Variants in MYH13 observed in about 807,000 individuals in gnomAD.
MYH13 encodes myosin-13.
Under a neutral mutation model 232.1 loss-of-function variants are expected in MYH13, and 177 were observed. The observed-to-expected ratio is 0.76, with a 90% CI of 0.67 to 0.86. The LOEUF (loss-of-function observed/expected upper bound fraction) is 0.86, where lower values mean the gene tolerates loss of function less well. Ranked by LOEUF, MYH13 falls within the 40% of genes least tolerant of loss-of-function variation. MYH13 has a pLI of 0.00. For missense variants in MYH13, 2,246 were observed against 2,405.9 expected (o/e 0.93, Z 1.39); for synonymous variants, 884 against 923.5 (o/e 0.96, Z 0.78).
rs79509869 is a variant in MYH13 at position 10,311,727 on chromosome 17, C to T, written c.4531+184G>A. Among the ~76,000 whole-genome samples, 336 of 152,300 alleles carry T rather than the reference C, an allele frequency of 2.2e-3. 4 individuals are homozygous for T. In the East Asian group the frequency reaches 0.026, roughly 12 times the overall value. On this transcript the variant is annotated intron_variant, in intron 32 of 40. Coordinates refer to ENST00000252172, the MANE Select transcript of MYH13 (RefSeq NM_003802.3). ...AGTTCTCAAAAATGAGACTTAGCTG[C>T]TGCCGTGCCTTACATTAAAAAGGTC...
rs573797956 is a variant in MYH13, at chr17:10,342,190, G to T, written c.1894+1610C>A. On this transcript the variant is annotated intron_variant, in intron 16 of 40. Coordinates refer to ENST00000252172, the MANE Select transcript of MYH13 (RefSeq NM_003802.3). ...GTTCCCAAGTAGCTGGACTACAGGT[G>T]TGCACCACCACTTTTGGCTAATTAT... 2.0e-5 allele frequency among the ~76,000 whole-genome samples: 3 copies of T among 152,190 alleles called. No homozygotes were observed. The South Asian group carries it at 6.2e-4, about 32-fold the overall frequency.
chr17:10,369,383 C>T (rs1406156640), intron 2 of MYH13, among the ~76,000 whole-genome samples: 1 of 152,082 alleles, frequency 6.6e-6, no homozygotes, highest in Admixed American at 6.6e-5. Context: ...TGTGAATATT[C>T]ACTAGGTCTG....
intron 26 of MYH13, among the ~76,000 whole-genome samples, chr17:10,319,508 C>CAAAAG (rs1906854146): frequency 1.6e-5 from 1 of 61,538 alleles, no homozygotes; most frequent in South Asian, 3.9e-4. Flanking sequence ...GACTCGGTCT[C>CAAAAG]AAAAAAAAAA....
intron 16 of MYH13, among the ~76,000 whole-genome samples, chr17:10,341,810 A>G (rs1293162253): frequency 6.6e-6 from 1 of 152,228 alleles, no homozygotes; most frequent in South Asian, 2.1e-4. Flanking sequence ...AATGATTTTC[A>G]TCATTGAAGT....
At chr17:10,349,043 C>T (rs2071689204) in intron 12 of MYH13, among the ~76,000 whole-genome samples, 1 of 150,272 alleles carries the variant, frequency 6.7e-6, no homozygotes, top group African/African-American at 2.5e-5. Context: ...CTTCTCCCTT[C>T]CCTTCCCTTC....
intron 18 of MYH13, among the ~76,000 whole-genome samples, chr17:10,336,437 C>A (rs1007889749): frequency 6.6e-6 from 1 of 152,138 alleles, no homozygotes; most frequent in Non-Finnish European, 1.5e-5. Context: ...TGGTATTAGC[C>A]ATGCTTTTGA....
chr17:10,303,018 C>T (rs1319679307), intron 39 of MYH13, among the ~76,000 whole-genome samples, 178 bp downstream of exon 39: 3 of 151,720 alleles, frequency 2.0e-5, no homozygotes, highest in East Asian at 1.9e-4. Context: ...TGGTGAAGGT[C>T]GTGAAGGCTT....
rs140360602 is a variant in MYH13, at chr17:10,309,905, G to A, written c.4657-75C>T. ...TGAATGGGTATTTTCATCCCCATAC[G>A]ATCAAATGGGTATGCGTTTTTTTAA... On this transcript the variant is annotated intron_variant, in intron 33 of 40. Coordinates refer to ENST00000252172, the MANE Select transcript of MYH13 (RefSeq NM_003802.3). The A allele has an allele frequency of 1.5e-3, 1,795 of 1,218,578 alleles. 28 individuals are homozygous for A. The East Asian group carries it at 0.035, about 24-fold the overall frequency. The allele number at this position is 1,218,578 out of a possible 1,614,324, so 75.5% of individuals were successfully genotyped here. A position where few individuals can be genotyped will look rare whatever the true frequency, so the allele number is the denominator to read the frequency against.
chr17:10,302,564 T>G (rs924806762), intron 39 of MYH13, among the ~76,000 whole-genome samples: 1 of 152,180 alleles, frequency 6.6e-6, no homozygotes, highest in African/African-American at 2.4e-5. Flanking sequence ...CTCTTTTCTA[T>G]AAAAGGATAA....
chr17:10,345,826 C>G (rs576740056), intron 13 of MYH13, among the ~76,000 whole-genome samples: 1 of 151,856 alleles, frequency 6.6e-6, no homozygotes, highest in Non-Finnish European at 1.5e-5. Flanking sequence ...AACCCCGTCT[C>G]TACTAAAAAT....
rs771048728 is a variant in MYH13 at position 10,343,957 on chromosome 17, G to A, written c.1737C>T (p.Phe579=). ...CGGTGCCGGCATAGTGCACCAGCGA[G>A]AAGTGAGCCTCAGCCTTGCCTTTGG... ...KPAKGKAEAH[F]SLVHYAGTVD... is the part of the protein sequence containing the mutation. The change falls in exon 16 of 41, where the codon TTC becomes TTT. Residue 579 remains phenylalanine (F), a synonymous_variant. Coordinates refer to ENST00000252172, the MANE Select transcript of MYH13 (RefSeq NM_003802.3). 1.9e-6 allele frequency: 3 copies of A among 1,614,256 alleles called. No homozygotes were observed. The highest frequency in any genetic ancestry group is 2.5e-6 in the Non-Finnish European group (3 of 1,180,048).
intron 18 of MYH13, 90 bp downstream of exon 18, chr17:10,340,060 C>G (rs1180763278): frequency 7.9e-6 from 9 of 1,140,052 alleles, no homozygotes; most frequent in Admixed American, 2.1e-5. Flanking sequence ...CAGACCATCA[C>G]TCTTTCCAAA....
chr17:10,350,878 T>C lies in MYH13; in HGVS notation c.1006-184A>G, dbSNP rs553448044. Reference sequence around the variant, plus strand: ...TGTTTCACGTGTTTGTGTGGGTGGGTGAAGACTATGGGAAAAAGATGTGAA... The same window carrying C: ...TGTTTCACGTGTTTGTGTGGGTGGGCGAAGACTATGGGAAAAAGATGTGAA... On this transcript the variant is annotated intron_variant, in intron 11 of 40. Coordinates refer to ENST00000252172, the MANE Select transcript of MYH13 (RefSeq NM_003802.3). 6.0e-5 allele frequency: 45 copies of C among 748,324 alleles called. No homozygotes were observed. In the African/African-American group the frequency reaches 7.6e-4, roughly 13 times the overall value. 46.4% of individuals were successfully genotyped at this position (748,324 alleles called of 1,614,324 possible). A position where few individuals can be genotyped will look rare whatever the true frequency, so the allele number is the denominator to read the frequency against.
At chr17:10,372,810 G>A (rs939526350) in intron 1 of MYH13, among the ~76,000 whole-genome samples, 169 bp downstream of exon 1, 1 of 152,174 alleles carries the variant, frequency 6.6e-6, no homozygotes, top group Admixed American at 6.6e-5. Context: ...TTGAAAGGCA[G>A]TTGTCTTGTC....
chr17:10,316,087 A>C, intron 27 of MYH13, 62 bp from the exon 28 acceptor site: 1 of 1,572,742 alleles, frequency 6.4e-7, no homozygotes, highest in Non-Finnish European at 8.7e-7. Context: ...CCAGCATTGA[A>C]CTGAACAGTG....
rs1190048905 is a variant in MYH13, at chr17:10,306,714, G to A, written c.5296-85C>T. On this transcript the variant is annotated intron_variant, in intron 36 of 40. Coordinates refer to ENST00000252172, the MANE Select transcript of MYH13 (RefSeq NM_003802.3). The surrounding 1 kb of genome is among the most constrained non-coding windows in gnomAD (Gnocchi z 4.3). ...CAGAAGAGGCGAAGGCTGGGATCAT[G>A]GTGCTGAGCCTCCCCTGTCTGACTG... 1.0e-5 allele frequency: 16 copies of A among 1,575,462 alleles called. No homozygotes were observed. The highest frequency in any genetic ancestry group is 1.4e-5 in the African/African-American group (1 of 73,954).
chr17:10,301,121 C>G (rs1906073178), intron 40 of MYH13, among the ~76,000 whole-genome samples, 156 bp from the exon 41 acceptor site: 1 of 152,204 alleles, frequency 6.6e-6, no homozygotes, highest in South Asian at 2.1e-4. Context: ...GCAAATCAAT[C>G]TAGCTACTGG....
intron 37 of MYH13, among the ~76,000 whole-genome samples, chr17:10,305,017 C>A (rs553020574): frequency 1.3e-5 from 2 of 152,328 alleles, no homozygotes; most frequent in South Asian, 4.1e-4. Context: ...AACTACTAAT[C>A]GGACAGGCTT....
chr17:10,303,213 T>G lies in MYH13; in HGVS notation c.5650A>C (p.Arg1884=). 1 of 1,613,308 alleles carries G rather than the reference T, an allele frequency of 6.2e-7. No individual in the cohort carries two copies. Among genetic ancestry groups the G allele is most frequent in the Non-Finnish European group, 8.5e-7 (1 of 1,179,974 alleles). The change falls in exon 39 of 41, where the codon AGG becomes CGG. Residue 1884 remains arginine (R), a synonymous_variant. Coordinates refer to ENST00000252172, the MANE Select transcript of MYH13 (RefSeq NM_003802.3). The part of the protein sequence containing the change: ...KLQAKVKSYK[R]QAEEAEEQAN... Reference sequence around the variant, plus strand: ...GTGCTTACCGCCTCCTCAGCCTGCCTCTTGTAAGACTTCACTTTGGCCTGC... The same window carrying G: ...GTGCTTACCGCCTCCTCAGCCTGCCGCTTGTAAGACTTCACTTTGGCCTGC...
Sources: allele counts gnomAD v4.1 joint callset (sites outside exome capture counted in the v4.1 genomes callset), GRCh38; gene constraint gnomAD v4.1.1; non-coding constraint Gnocchi (gnomAD v3.1); transcripts MANE v1.5; gene names NCBI Gene and HGNC (gene_info 2026-07-23, HGNC 2026-07-21).